The following FAM78B variants were observed in gnomAD, a reference collection of about 807,000 sequenced individuals.
The protein encoded by FAM78B is family with sequence similarity 78 member B, also known as protein FAM78B.
A neutral mutation model predicts 20.0 loss-of-function variants in FAM78B; 10 were observed. The ratio of observed to expected loss-of-function variants is 0.50; its 90% CI spans 0.31 to 0.85. The LOEUF is 0.85. Ranked by LOEUF, FAM78B falls within the 40% of genes least tolerant of loss-of-function variation. The probability of loss-of-function intolerance (pLI) is 0.05; values close to 1 mark genes in which losing one functional copy is unlikely to be tolerated. For synonymous variants in FAM78B, 135 were observed against 132.8 expected (o/e 1.02, Z -0.12); for missense variants, 283 against 345.0 (o/e 0.82, Z 1.42).
chr1:166,100,442 G>C (rs1202194837), intron 1 of FAM78B, among the ~76,000 whole-genome samples: 2 of 152,184 alleles, frequency 1.3e-5, no homozygotes, highest in Admixed American at 6.5e-5. Flanking sequence ...CCCTTTCCTA[G>C]CCAAGGAAAG....
chr1:166,080,693 C>T (rs1652531291), intron 1 of FAM78B, among the ~76,000 whole-genome samples: 2 of 152,242 alleles, frequency 1.3e-5, no homozygotes, highest in South Asian at 4.1e-4. Context: ...ACACCCTGAG[C>T]ATTGAGGCTT....
chr1:166,080,813 G>A lies in FAM78B; in HGVS notation c.264-10050C>T, dbSNP rs142569897. ...TCCTCCCAACCCCTCCACAGGAGGA[G>A]CTGGAAATAACAGTGCATGGTGGGA... On this transcript the variant is annotated intron_variant, in intron 1 of 1. Transcript: ENST00000354422. Among the ~76,000 whole-genome samples the A allele has an allele frequency of 1.5e-4, 23 of 152,356 alleles. 1 individual carries two copies. Among genetic ancestry groups the A allele is most frequent in the African/African-American group, 4.6e-4 (19 of 41,590 alleles).
chr1:166,131,692 T>C (rs1419992052), intron 1 of FAM78B, among the ~76,000 whole-genome samples: 3 of 152,304 alleles, frequency 2.0e-5, no homozygotes, highest in Non-Finnish European at 2.9e-5. Context: ...CAAAGTTCCA[T>C]GTCATTGGGG....
intron 2 of FAM78B, among the ~76,000 whole-genome samples, chr1:166,063,035 T>C (rs1013335334): frequency 1.3e-5 from 2 of 152,146 alleles, no homozygotes; most frequent in African/African-American, 4.8e-5. Flanking sequence ...ACCTCACCCA[T>C]CCTCATGGAG....
At chr1:166,079,438 C>T (rs1248461559) in intron 1 of FAM78B, among the ~76,000 whole-genome samples, 1 of 152,218 alleles carries the variant, frequency 6.6e-6, no homozygotes, top group Non-Finnish European at 1.5e-5. Flanking sequence ...TTTCCAAGGG[C>T]AGTCCACTCC....
chr1:166,104,023 T>C (rs1653657471), intron 1 of FAM78B, among the ~76,000 whole-genome samples: 1 of 152,190 alleles, frequency 6.6e-6, no homozygotes, highest in Non-Finnish European at 1.5e-5. Context: ...GTGGGCTTCA[T>C]CCCTGGGATG....
intron 1 of FAM78B, among the ~76,000 whole-genome samples, chr1:166,137,338 A>C (rs559686855): frequency 6.6e-6 from 1 of 152,380 alleles, no homozygotes; most frequent in South Asian, 2.1e-4. Flanking sequence ...AAGGACTGAA[A>C]GGACTAAAGA....
At chr1:166,088,247 G>C (rs1652914454) in intron 1 of FAM78B, among the ~76,000 whole-genome samples, 1 of 152,300 alleles carries the variant, frequency 6.6e-6, no homozygotes, top group South Asian at 2.1e-4. Flanking sequence ...ATTGAAATCA[G>C]GTGCTTTATG....
intron 1 of FAM78B, among the ~76,000 whole-genome samples, chr1:166,135,391 A>G (rs1241581309): frequency 1.3e-5 from 2 of 152,208 alleles, no homozygotes; most frequent in Non-Finnish European, 2.9e-5. Context: ...CCAGCATCTA[A>G]AGCTAAAGCT....
intron 1 of FAM78B, among the ~76,000 whole-genome samples, chr1:166,105,618 C>A (rs1049966909): frequency 6.6e-6 from 1 of 152,224 alleles, no homozygotes; most frequent in Non-Finnish European, 1.5e-5. Flanking sequence ...CTCATCATCA[C>A]TGGCCATCAG....
At chr1:166,067,532 G>C (rs765656815), downstream of FAM78B, among the ~76,000 whole-genome samples, 2 of 152,132 alleles carry the variant, frequency 1.3e-5, no homozygotes, top group Non-Finnish European at 2.9e-5. Context: ...CTGGATGGGA[G>C]GGCAGAGGTG....
downstream of FAM78B, chr1:166,057,325 C>T (rs1380833734): frequency 6.6e-6 from 1 of 152,186 alleles, no homozygotes; most frequent in Non-Finnish European, 1.5e-5. Flanking sequence ...CTGCATCTGC[C>T]CTCTGTATGT....
chr1:166,145,974 T>C (rs1449682576), intron 1 of FAM78B, among the ~76,000 whole-genome samples: 1 of 152,196 alleles, frequency 6.6e-6, no homozygotes, highest in Admixed American at 6.5e-5. Flanking sequence ...GCCCCTTAAG[T>C]CTCAGTCTTA....
intron 1 of FAM78B, among the ~76,000 whole-genome samples, chr1:166,107,000 C>T (rs926009175): frequency 2.6e-5 from 4 of 151,812 alleles, no homozygotes; most frequent in Non-Finnish European, 4.4e-5. Flanking sequence ...ACAACAAAGA[C>T]GGTGCTAAGA....
At chr1:166,162,660 T>C (rs902900075) in intron 1 of FAM78B, among the ~76,000 whole-genome samples, 5 of 152,354 alleles carry the variant, frequency 3.3e-5, no homozygotes, top group Non-Finnish European at 7.3e-5. Flanking sequence ...ATAAAGAAGA[T>C]AGGAAGAGCT....
intron 1 of FAM78B, among the ~76,000 whole-genome samples, chr1:166,132,962 G>A (rs771258903): frequency 2.6e-5 from 4 of 152,106 alleles, no homozygotes; most frequent in Non-Finnish European, 5.9e-5. Context: ...ATGCCCTCTG[G>A]GATATGAGAA....
chr1:166,102,593 G>C (rs967645209), intron 1 of FAM78B, among the ~76,000 whole-genome samples: 3 of 152,070 alleles, frequency 2.0e-5, no homozygotes, highest in African/African-American at 7.2e-5. Flanking sequence ...AACCAACAAA[G>C]ATCAAAAGAG....
chr1:166,141,566 T>C (rs1450976588), intron 1 of FAM78B, among the ~76,000 whole-genome samples: 3 of 152,188 alleles, frequency 2.0e-5, no homozygotes, highest in Non-Finnish European at 4.4e-5. Context: ...TACTGAACAG[T>C]TGTTAAACTA....
chr1:166,115,220 C>A (rs548008356), intron 1 of FAM78B, among the ~76,000 whole-genome samples: 161 of 152,262 alleles, frequency 1.1e-3, no homozygotes, highest in African/African-American at 3.8e-3. Flanking sequence ...GAGAAAGAGA[C>A]GATACACAAA....
Sources: allele counts gnomAD v4.1 joint callset (sites outside exome capture counted in the v4.1 genomes callset), GRCh38; gene constraint gnomAD v4.1.1; transcripts MANE v1.5; gene names NCBI Gene and HGNC (gene_info 2026-07-23, HGNC 2026-07-21).